Variants in TF observed in about 807,000 individuals in gnomAD.
TF encodes the protein serotransferrin.
A neutral mutation model predicts 82.4 loss-of-function variants in TF; 55 were observed. The ratio of observed to expected loss-of-function variants is 0.67; its 90% CI spans 0.54 to 0.84. The LOEUF (loss-of-function observed/expected upper bound fraction) is 0.84, where lower values mean the gene tolerates loss of function less well. Ranked by LOEUF, TF falls within the 40% of genes least tolerant of loss-of-function variation. TF has a pLI of 0.00. For synonymous variants in TF, 332 were observed against 332.6 expected (o/e 1.00, Z 0.02); for missense variants, 737 against 868.4 (o/e 0.85, Z 1.90).
In TF at chr3:133,770,500, C is replaced by A; in HGVS notation, c.1623-8C>A. 6.2e-7 allele frequency: 1 copy of A among 1,614,110 alleles called. No individual in the cohort carries two copies. Among genetic ancestry groups the A allele is most frequent in the East Asian group, 2.2e-5 (1 of 44,886 alleles). ...TTTTTTTTCTCTCCCACTTCTGGAC[C>A]TCTGCAGGTGTCTGGTTGAGAAGGG... On this transcript the variant is annotated splice_region_variant and splice_polypyrimidine_tract_variant and intron_variant, in intron 13 of 16. Transcript: ENST00000402696.
intron 5 of TF, 51 bp downstream of exon 5, chr3:133,755,546 A>C: frequency 6.2e-7 from 1 of 1,611,530 alleles, no homozygotes; most frequent in Non-Finnish European, 8.5e-7. Context: ...AAATGTCCTC[A>C]GGGTGAGAGT....
the TF span, among the ~76,000 whole-genome samples, chr3:133,665,653 T>C: frequency 2.6e-5 from 4 of 151,410 alleles, no homozygotes; most frequent in African/African-American, 7.3e-5. Context: ...GTTTATAGAA[T>C]GGAAAAGGAG....
At chr3:133,730,702 G>A in the TF span, among the ~76,000 whole-genome samples, 5 of 152,206 alleles carry the variant, frequency 3.3e-5, no homozygotes, top group African/African-American at 1.2e-4. Flanking sequence ...TCCCTTTGAA[G>A]ATTAATAAAA....
intron 1 of TF, 51 bp from the exon 2 acceptor site, chr3:133,748,361 C>T (rs1039649225): frequency 6.2e-6 from 10 of 1,610,578 alleles, no homozygotes; most frequent in Non-Finnish European, 8.5e-6. Context: ...GATGCTGTCT[C>T]TCCCTCAGCA....
chr3:133,778,541 T>TA (rs1362232716), intron 16 of TF, 45 bp from the exon 17 acceptor site: 1 of 1,604,282 alleles, frequency 6.2e-7, no homozygotes, highest in South Asian at 1.1e-5. Context: ...CAGAAATAAA[T>TA]ATAGGAAGAT....
At chr3:133,665,459 C>A in the TF span, among the ~76,000 whole-genome samples, 1 of 138,670 alleles carries the variant, frequency 7.2e-6, no homozygotes, top group Non-Finnish European at 1.6e-5. Context: ...CAGAGTGAGA[C>A]CCTATCTCAA....
At chr3:133,732,905 A>G in the TF span, among the ~76,000 whole-genome samples, 2 of 152,148 alleles carry the variant, frequency 1.3e-5, no homozygotes, top group Admixed American at 6.5e-5. Flanking sequence ...CCAACCTGAA[A>G]GTCTTGGTGT....
chr3:133,732,937 A>C, the TF span, among the ~76,000 whole-genome samples: 4 of 152,202 alleles, frequency 2.6e-5, no homozygotes. Flanking sequence ...CGACCAAGCC[A>C]CTGTAGCTTT....
the TF span, among the ~76,000 whole-genome samples, chr3:133,672,830 AAG>A: frequency 7.9e-5 from 12 of 151,096 alleles, no homozygotes; most frequent in Non-Finnish European, 1.5e-5. Context: ...AGAAAGAAAA[AAG>A]AGAATAAGAG....
chr3:133,672,817 A>G, the TF span, among the ~76,000 whole-genome samples: 1 of 151,138 alleles, frequency 6.6e-6, no homozygotes, highest in Non-Finnish European at 1.5e-5. Context: ...AAGAGAAAGA[A>G]AAAGAAAGAA....
rs1934504598 is a variant in TF at position 133,781,002 on chromosome 3, ACT to A, written c.*2385_*2386del. On this transcript the variant is annotated 3_prime_UTR_variant, in exon 17 of 17. Coordinates refer to ENST00000402696, the MANE Select transcript of TF (RefSeq NM_001063.4). ...CACTCCAGCCTAGTGACAGAGCAAG[ACT>A]CTGTCTGGAAAATAATAAAAATAAT... 1 of 151,426 alleles carries A rather than the reference ACT, an allele frequency of 6.6e-6. No individual in the cohort carries two copies. The highest frequency in any genetic ancestry group is 2.1e-4 in the South Asian group (1 of 4,780). 9.4% of individuals were successfully genotyped at this position (151,426 alleles called of 1,614,324 possible). A position where few individuals can be genotyped will look rare whatever the true frequency, so the allele number is the denominator to read the frequency against.
chr3:133,759,713 T>G (rs6762415), intron 9 of TF, among the ~76,000 whole-genome samples: 76,562 of 151,868 alleles, frequency 0.5, 19,761 homozygotes, highest in East Asian at 0.68. Flanking sequence ...TATCCTAGCC[T>G]GGCATGGTGG....
the TF span, chr3:133,664,827 A>G: frequency 2.6e-5 from 4 of 152,084 alleles, no homozygotes; most frequent in African/African-American, 9.7e-5. Flanking sequence ...TGTGGAACCC[A>G]CAGATACAAG....
the TF span, chr3:133,700,086 C>G: frequency 1.9e-5 from 3 of 156,020 alleles, no homozygotes; most frequent in African/African-American, 4.8e-5. Flanking sequence ...GGGAGGCACA[C>G]GAGTATGGAT....
At chr3:133,677,619 C>G in the TF span, among the ~76,000 whole-genome samples, 9 of 152,150 alleles carry the variant, frequency 5.9e-5, no homozygotes, top group African/African-American at 2.2e-4. Flanking sequence ...GCCTGGGCAA[C>G]AGAGCAAGAC....
At chr3:133,682,584 C>T in the TF span, among the ~76,000 whole-genome samples, 2 of 152,020 alleles carry the variant, frequency 1.3e-5, no homozygotes, top group African/African-American at 2.4e-5. Flanking sequence ...GTAGCCAATT[C>T]GATCAAGTGG....
chr3:133,729,354 G>T, the TF span, among the ~76,000 whole-genome samples: 1 of 152,224 alleles, frequency 6.6e-6, no homozygotes, highest in Admixed American at 6.5e-5. Context: ...AAGCAAGCCT[G>T]GGCAATGGCG....
At chr3:133,710,641 C>T in the TF span, among the ~76,000 whole-genome samples, 6 of 152,150 alleles carry the variant, frequency 3.9e-5, no homozygotes, top group African/African-American at 1.4e-4. Flanking sequence ...CTCCTCCCTC[C>T]GCAGCCAATC....
At chr3:133,664,477 C>T in the TF span, among the ~76,000 whole-genome samples, 4 of 152,108 alleles carry the variant, frequency 2.6e-5, no homozygotes, top group East Asian at 1.9e-4. Context: ...CGTCTGCCAT[C>T]GCACCCGGCT....
Sources: gnomAD v4.1 joint callset for allele counts (sites outside exome capture counted in the v4.1 genomes callset) on GRCh38, gnomAD v4.1.1 for gene constraint, MANE v1.5 for transcripts, NCBI Gene and HGNC (gene_info 2026-07-23, HGNC 2026-07-21) for gene names.